Variants in ABTB2 observed in about 807,000 individuals in gnomAD.
ABTB2 encodes ankyrin repeat and BTB/POZ domain-containing protein 2.
A neutral mutation model predicts 104.1 loss-of-function variants in ABTB2; 56 were observed. That is an observed-to-expected ratio of 0.54 (90% CI 0.43 to 0.67). The LOEUF (loss-of-function observed/expected upper bound fraction) is 0.67, where lower values mean the gene tolerates loss of function less well. ABTB2 is among the 30% of genes least tolerant of loss of function. The pLI, the probability that ABTB2 is intolerant of heterozygous loss-of-function variation, is 0.00. For synonymous variants in ABTB2, 606 were observed against 608.2 expected, an observed-to-expected ratio of 1.00 and a Z score of 0.05; for missense variants, 1,279 against 1,407.7, an observed-to-expected ratio of 0.91 and a Z score of 1.46.
At chr11:34,196,591 T>C (rs1016490190) in intron 3 of ABTB2, among the ~76,000 whole-genome samples, 11 of 152,194 alleles carry the variant, frequency 7.2e-5, no homozygotes, top group African/African-American at 2.7e-4. Context: ...CAGGCTGACA[T>C]GGCCCCACGT....
intron 7 of ABTB2, 74 bp downstream of exon 7, chr11:34,167,179 CAGCTGA>C: frequency 7.4e-7 from 1 of 1,343,894 alleles, no homozygotes; most frequent in Non-Finnish European, 1.0e-6. Flanking sequence ...CCTGCCCACT[CAGCTGA>C]GGCTGGGGCT....
chr11:34,276,235 G>C (rs1358083273), intron 1 of ABTB2, among the ~76,000 whole-genome samples: 1 of 149,650 alleles, frequency 6.7e-6, no homozygotes, highest in Admixed American at 6.7e-5. Context: ...AAAAAAAAAA[G>C]TTCTGATTCG....
chr11:34,344,647 C>T (rs1236778741), intron 1 of ABTB2, among the ~76,000 whole-genome samples: 1 of 152,134 alleles, frequency 6.6e-6, no homozygotes, highest in African/African-American at 2.4e-5. Context: ...CAGATGTGCA[C>T]CATTATACCT....
intron 1 of ABTB2, among the ~76,000 whole-genome samples, chr11:34,331,043 C>G (rs1855123698): frequency 6.6e-6 from 1 of 152,170 alleles, no homozygotes; most frequent in Non-Finnish European, 1.5e-5. Flanking sequence ...TCCAGTGGAC[C>G]CCCTCCTATG....
intron 14 of ABTB2, among the ~76,000 whole-genome samples, chr11:34,156,110 C>T (rs1039551162): frequency 6.6e-6 from 1 of 152,246 alleles, no homozygotes; most frequent in Non-Finnish European, 1.5e-5. Flanking sequence ...CAGCTCCCTT[C>T]CTGGCCTGGA....
At chr11:34,294,495 C>T (rs528850641) in intron 1 of ABTB2, among the ~76,000 whole-genome samples, 83 of 147,830 alleles carry the variant, frequency 5.6e-4, no homozygotes, top group African/African-American at 1.9e-3. Context: ...GTGCTGACTA[C>T]GGCCAATGCT....
intron 1 of ABTB2, among the ~76,000 whole-genome samples, chr11:34,292,353 G>A (rs907447055): frequency 9.2e-5 from 14 of 152,258 alleles, no homozygotes; most frequent in African/African-American, 3.1e-4. Context: ...TTTGCAAAGT[G>A]TTAAGATGTT....
chr11:34,204,473 C>G, intron 2 of ABTB2, 71 bp downstream of exon 2: 5 of 1,484,702 alleles, frequency 3.4e-6, no homozygotes, highest in Non-Finnish European at 3.6e-6. Context: ...GGCGAGCTCT[C>G]CCTGCCTTCC....
chr11:34,204,597 C>T lies in ABTB2; in HGVS notation c.977G>A (p.Arg326Gln), dbSNP rs554984925. ...GGCCAGGAGGGACTGCTCCAGGGTT[C>T]GGAGCTCCAGCTGGGCATAGGCATC... The part of the protein sequence containing the change: ...RADAYAQLEL[R>Q]TLEQSLLATC... The change falls in exon 2 of 17, where the codon CGA becomes CAA. Residue 326 changes from arginine to glutamine, a missense_variant. Transcript: ENST00000435224. 4.1e-5 allele frequency: 66 copies of T among 1,613,722 alleles called. No homozygotes were observed. Among genetic ancestry groups the T allele is most frequent in the Admixed American group, 5.0e-5 (3 of 60,018 alleles).
At chr11:34,244,056 C>G (rs1475312115) in intron 1 of ABTB2, among the ~76,000 whole-genome samples, 1 of 152,202 alleles carries the variant, frequency 6.6e-6, no homozygotes, top group Non-Finnish European at 1.5e-5. Flanking sequence ...AGTGCCTGTC[C>G]CAAGCTAGGC....
At chr11:34,189,558 G>C (rs944778314) in intron 3 of ABTB2, among the ~76,000 whole-genome samples, 5 of 152,316 alleles carry the variant, frequency 3.3e-5, no homozygotes, top group East Asian at 3.9e-4. Context: ...CCGTGATCAC[G>C]CCACTGCATC....
At chr11:34,167,762 C>A in intron 6 of ABTB2, 141 bp downstream of exon 6, 1 of 888,426 alleles carries the variant, frequency 1.1e-6, no homozygotes, top group Non-Finnish European at 1.8e-6. Flanking sequence ...TAACAGTGGC[C>A]TCTGTGCATC....
At chr11:34,294,429 A>G (rs922951632) in intron 1 of ABTB2, among the ~76,000 whole-genome samples, 2 of 152,250 alleles carry the variant, frequency 1.3e-5, no homozygotes, top group African/African-American at 4.8e-5. Context: ...TCAAAGGAGC[A>G]GTGGAGATGA....
intron 14 of ABTB2, among the ~76,000 whole-genome samples, chr11:34,158,306 G>A (rs1051991108): frequency 6.6e-6 from 1 of 152,120 alleles, no homozygotes; most frequent in Non-Finnish European, 1.5e-5. Flanking sequence ...CCAGCTACTC[G>A]GGAGGGTGAG....
chr11:34,228,610 C>T (rs1853718323), intron 1 of ABTB2, among the ~76,000 whole-genome samples: 1 of 152,030 alleles, frequency 6.6e-6, no homozygotes, highest in Admixed American at 6.6e-5. Flanking sequence ...GACATCCGAC[C>T]TCAGGTGATC....
At chr11:34,240,810 G>C (rs1853906999) in intron 1 of ABTB2, among the ~76,000 whole-genome samples, 1 of 152,174 alleles carries the variant, frequency 6.6e-6, no homozygotes, top group East Asian at 1.9e-4. Context: ...GGCCAGGCTG[G>C]TCTCGAACTC....
At chr11:34,193,670 G>C (rs750075807) in intron 3 of ABTB2, among the ~76,000 whole-genome samples, 8 of 152,236 alleles carry the variant, frequency 5.3e-5, no homozygotes, top group Non-Finnish European at 8.8e-5. Flanking sequence ...TAAAAGAAGG[G>C]CGTATGTTAT....
intron 1 of ABTB2, among the ~76,000 whole-genome samples, chr11:34,279,787 C>CTTT (rs397849748): frequency 6.6e-4 from 86 of 129,520 alleles, no homozygotes; most frequent in Admixed American, 9.1e-4. Context: ...CTTTCTTCTT[C>CTTT]TTTTTTTTTT....
chr11:34,160,361 G>A lies in ABTB2; in HGVS notation c.2398-8C>T, dbSNP rs755635963. Reference sequence around the variant, plus strand: ...CTGGATGACGGAGTCGTTCTGTGGGGAGAGGAGAGAGGGCCTGTGAGCTGC... The same window carrying A: ...CTGGATGACGGAGTCGTTCTGTGGGAAGAGGAGAGAGGGCCTGTGAGCTGC... On this transcript the variant is annotated splice_polypyrimidine_tract_variant and splice_region_variant and intron_variant, in intron 11 of 16. Coordinates refer to ENST00000435224, the MANE Select transcript of ABTB2 (RefSeq NM_145804.3). The A allele has an allele frequency of 4.4e-6, 7 of 1,604,814 alleles. No homozygotes were observed. The highest frequency in any genetic ancestry group is 2.2e-5 in the East Asian group (1 of 44,826).
Sources: allele counts gnomAD v4.1 joint callset (sites outside exome capture counted in the v4.1 genomes callset), GRCh38; gene constraint gnomAD v4.1.1; transcripts MANE v1.5; gene names NCBI Gene and HGNC (gene_info 2026-07-23, HGNC 2026-07-21).